KCNG3: variants seen among roughly 807,000 people sequenced by gnomAD.
The protein encoded by KCNG3 is voltage-gated potassium channel regulatory subunit KCNG3.
In KCNG3, 15 loss-of-function variants were observed where a neutral mutation model predicts 29.0. That is an observed-to-expected ratio of 0.52 (90% CI 0.35 to 0.80). KCNG3 has a LOEUF of 0.80. Among genes scored for constraint, KCNG3 ranks in the 30% least tolerant of loss-of-function variants. The pLI, the probability that KCNG3 is intolerant of heterozygous loss-of-function variation, is 0.01. For missense variants in KCNG3, 512 were observed against 605.7 expected, an observed-to-expected ratio of 0.85 and a Z score of 1.62; for synonymous variants, 322 against 248.9, an observed-to-expected ratio of 1.29 and a Z score of -2.76.
intron 1 of KCNG3, among the ~76,000 whole-genome samples, chr2:42,458,935 G>A (rs1572848276): frequency 6.6e-6 from 1 of 152,100 alleles, no homozygotes; most frequent in African/African-American, 2.4e-5. Flanking sequence ...ATGGCCAGAC[G>A]CCTGAAATCC....
the KCNG3 span, among the ~76,000 whole-genome samples, chr2:42,425,476 G>C: frequency 6.6e-6 from 1 of 151,686 alleles, no homozygotes; most frequent in African/African-American, 2.4e-5. Context: ...AGTGTGGGCA[G>C]AAGAGAAATA....
chr2:42,406,566 C>A, the KCNG3 span, among the ~76,000 whole-genome samples: 1 of 150,930 alleles, frequency 6.6e-6, no homozygotes, highest in East Asian at 2.0e-4. Flanking sequence ...GTGGCTCACG[C>A]CTGTAATCCC....
At chr2:42,492,800 G>A (rs1186984222) in intron 1 of KCNG3, 37 bp downstream of exon 1, 2 of 1,430,674 alleles carry the variant, frequency 1.4e-6, no homozygotes, top group East Asian at 2.7e-5. Flanking sequence ...AGACGCGACA[G>A]GACGGACGGG....
rs1488695884 is a variant in KCNG3 at position 42,493,570 on chromosome 2, G to A, written c.-69C>T. ...GCCCCCCACCCCAAGCCGCCACGCG[G>A]GGCCTGCCTGCCCGTGGCTGACGGG... On this transcript the variant is annotated 5_prime_UTR_variant, in exon 1 of 2. Coordinates refer to ENST00000306078, the MANE Select transcript of KCNG3 (RefSeq NM_133329.6). 18 of 1,248,898 alleles carry A rather than the reference G, an allele frequency of 1.4e-5. No individual in the cohort carries two copies. Among genetic ancestry groups the A allele is most frequent in the African/African-American group, 1.6e-5 (1 of 64,034 alleles). The allele number at this position is 1,248,898 out of a possible 1,614,324, so 77.4% of individuals were successfully genotyped here. A position where few individuals can be genotyped will look rare whatever the true frequency, so the allele number is the denominator to read the frequency against.
intron 1 of KCNG3, among the ~76,000 whole-genome samples, chr2:42,472,113 T>A (rs1235339157): frequency 6.6e-6 from 1 of 152,142 alleles, no homozygotes; most frequent in Non-Finnish European, 1.5e-5. Context: ...GCAACTCCAA[T>A]CCTAGGTAGA....
At chr2:42,483,409 G>A (rs778574717) in intron 1 of KCNG3, among the ~76,000 whole-genome samples, 1 of 152,226 alleles carries the variant, frequency 6.6e-6, no homozygotes, top group Non-Finnish European at 1.5e-5. Context: ...GCAAGGATAT[G>A]TGGAAATGAT....
downstream of KCNG3, among the ~76,000 whole-genome samples, chr2:42,439,052 T>TA (rs1672423197): frequency 6.6e-6 from 1 of 152,178 alleles, no homozygotes; most frequent in Non-Finnish European, 1.5e-5. Flanking sequence ...ATGTCCTGAA[T>TA]AATGCAGTGA....
chr2:42,466,721 G>T (rs76443130), intron 1 of KCNG3, among the ~76,000 whole-genome samples: 2,524 of 151,580 alleles, frequency 0.017, 32 homozygotes, highest in Non-Finnish European at 0.027. Context: ...TTTTGCCATA[G>T]GAATTAGTGG....
At chr2:42,426,553 T>C in the KCNG3 span, among the ~76,000 whole-genome samples, 19 of 152,170 alleles carry the variant, frequency 1.2e-4, no homozygotes, top group Non-Finnish European at 1.3e-4. Context: ...TCATTGAGGA[T>C]AGGGTCAATA....
At chr2:42,391,360 A>G in the KCNG3 span, among the ~76,000 whole-genome samples, 2 of 152,132 alleles carry the variant, frequency 1.3e-5, no homozygotes, top group Admixed American at 6.5e-5. Context: ...CATAACTCAC[A>G]GCTCACTAGC....
the KCNG3 span, among the ~76,000 whole-genome samples, chr2:42,414,006 T>C: frequency 6.6e-6 from 1 of 152,248 alleles, no homozygotes; most frequent in Non-Finnish European, 1.5e-5. Flanking sequence ...AACAATGATC[T>C]TAACATTCTT....
chr2:42,458,481 A>G (rs960477305), intron 1 of KCNG3, among the ~76,000 whole-genome samples: 1 of 151,730 alleles, frequency 6.6e-6, no homozygotes, highest in African/African-American at 2.4e-5. Context: ...CAAAGAAACA[A>G]CCAAGTTCCT....
chr2:42,393,820 G>A, the KCNG3 span, among the ~76,000 whole-genome samples: 17 of 151,254 alleles, frequency 1.1e-4, no homozygotes, highest in African/African-American at 2.2e-4. Flanking sequence ...TCGGTCTGTC[G>A]CCCAGGCTGG....
At chr2:42,423,340 C>G in the KCNG3 span, among the ~76,000 whole-genome samples, 8 of 152,220 alleles carry the variant, frequency 5.3e-5, no homozygotes, top group African/African-American at 1.7e-4. Context: ...CCTCCTTAAG[C>G]ACAAACCCTG....
At chr2:42,448,376 TTTA>T (rs1558374415) in intron 1 of KCNG3, among the ~76,000 whole-genome samples, 19 of 151,640 alleles carry the variant, frequency 1.3e-4, no homozygotes, top group Admixed American at 9.2e-4. Flanking sequence ...TATTTATTTA[TTTA>T]TTTATTTTTT....
chr2:42,485,650 G>C (rs181452399), intron 1 of KCNG3, among the ~76,000 whole-genome samples: 1 of 152,030 alleles, frequency 6.6e-6, no homozygotes, highest in Non-Finnish European at 1.5e-5. Flanking sequence ...GGGTCTCACC[G>C]TGTTAGCCAG....
At chr2:42,425,936 T>G in the KCNG3 span, among the ~76,000 whole-genome samples, 3 of 152,242 alleles carry the variant, frequency 2.0e-5, no homozygotes, top group African/African-American at 7.2e-5. Flanking sequence ...ATTGCTGAAG[T>G]TGACGCAATA....
rs1044341964 is a variant in KCNG3 at position 42,443,664 on chromosome 2, G to C, written c.*270C>G. ...TTCAAATAATGTATTTTTTAAAAAT[G>C]TGTAATCATTCAAGGAAACGGGAAA... On this transcript the variant is annotated 3_prime_UTR_variant, in exon 2 of 2. Transcript: ENST00000306078. 5 of 324,672 alleles carry C rather than the reference G, an allele frequency of 1.5e-5. No individual in the cohort carries two copies. The highest frequency in any genetic ancestry group is 9.1e-5 in the Admixed American group (2 of 22,086). The allele number at this position is 324,672 out of a possible 1,614,324, so 20.1% of individuals were successfully genotyped here.
chr2:42,476,968 G>A (rs1259006380), intron 1 of KCNG3, among the ~76,000 whole-genome samples: 2 of 149,572 alleles, frequency 1.3e-5, no homozygotes, highest in South Asian at 2.1e-4. Flanking sequence ...GCGAGATCAC[G>A]AGGTCCGGAG....
Sources: allele counts gnomAD v4.1 joint callset (sites outside exome capture counted in the v4.1 genomes callset), GRCh38; gene constraint gnomAD v4.1.1; transcripts MANE v1.5; gene names NCBI Gene and HGNC (gene_info 2026-07-23, HGNC 2026-07-21).